Variants in EXOC5 observed in about 807,000 individuals in gnomAD.
EXOC5 encodes exocyst complex component 5.
In EXOC5, 17 loss-of-function variants were observed where a neutral mutation model predicts 90.8. That is an observed-to-expected ratio of 0.19 (90% CI 0.13 to 0.28). EXOC5 has a LOEUF of 0.28. Ranked by LOEUF, EXOC5 falls within the 10% of genes least tolerant of loss-of-function variation. EXOC5 has a pLI of 1.00. For synonymous variants in EXOC5, 260 were observed against 270.0 expected (o/e 0.96, Z 0.36); for missense variants, 569 against 830.6 (o/e 0.69, Z 3.87).
intron 12 of EXOC5, among the ~76,000 whole-genome samples, chr14:57,227,666 T>C (rs952050724): frequency 2.6e-5 from 4 of 152,194 alleles, no homozygotes; most frequent in African/African-American, 9.6e-5. Flanking sequence ...ATAAGTTGCA[T>C]TTCCCTATTA....
chr14:57,238,625 T>C (rs12889013), intron 5 of EXOC5, among the ~76,000 whole-genome samples: 6 of 151,788 alleles, frequency 4.0e-5, no homozygotes, highest in African/African-American at 4.8e-5. Context: ...GTAAGTTAAA[T>C]CATAATGCTG....
intron 1 of EXOC5, among the ~76,000 whole-genome samples, chr14:57,249,764 T>C (rs1458643617): frequency 2.6e-5 from 4 of 152,020 alleles, no homozygotes; most frequent in African/African-American, 9.7e-5. Context: ...ATGATGATGA[T>C]GATGATTTAC....
At chr14:57,253,790 G>C (rs1375625575) in intron 1 of EXOC5, among the ~76,000 whole-genome samples, 1 of 152,138 alleles carries the variant, frequency 6.6e-6, no homozygotes, top group Non-Finnish European at 1.5e-5. Context: ...ATAATGCTGG[G>C]AAAACTGGGT....
chr14:57,219,089 T>G (rs879650237), intron 14 of EXOC5, among the ~76,000 whole-genome samples: 19 of 152,052 alleles, frequency 1.2e-4, no homozygotes, highest in African/African-American at 2.7e-4. Flanking sequence ...TTAAATCTTT[T>G]GAAATACACC....
chr14:57,242,564 T>C (rs1234963853), intron 4 of EXOC5, among the ~76,000 whole-genome samples: 5 of 151,926 alleles, frequency 3.3e-5, no homozygotes, highest in African/African-American at 4.8e-5. Flanking sequence ...AAAAGAACAA[T>C]TAAAAAAACA....
At chr14:57,258,865 C>CA (rs1242025401) in intron 1 of EXOC5, among the ~76,000 whole-genome samples, 1 of 152,082 alleles carries the variant, frequency 6.6e-6, no homozygotes, top group Non-Finnish European at 1.5e-5. Flanking sequence ...CCCAAAAACT[C>CA]AAAGAAGCTA....
At chr14:57,226,376 T>A (rs1466865614) in intron 12 of EXOC5, among the ~76,000 whole-genome samples, 1 of 152,146 alleles carries the variant, frequency 6.6e-6, no homozygotes, top group East Asian at 1.9e-4. Flanking sequence ...CTAAGTAAGT[T>A]AAACTAGAAA....
chr14:57,253,404 G>T (rs1042039333), intron 1 of EXOC5, among the ~76,000 whole-genome samples: 2 of 152,104 alleles, frequency 1.3e-5, no homozygotes, highest in African/African-American at 4.8e-5. Context: ...CAAATAAATG[G>T]AAACACATCC....
rs1205771487 is a variant in EXOC5 at position 57,201,479 on chromosome 14, CGT to C, written c.*7128_*7129del. ...ACACACGCGTGTATATGTACACACA[CGT>C]GTATAAACACACGTGTATATACACA... On this transcript the variant is annotated 3_prime_UTR_variant, in exon 18 of 18. Transcript: ENST00000621441. The C allele has an allele frequency of 7.8e-6, 1 of 128,252 alleles. No individual in the cohort carries two copies. Among genetic ancestry groups the C allele is most frequent in the Non-Finnish European group, 1.5e-5 (1 of 65,838 alleles). The allele number at this position is 128,252 out of a possible 1,614,324, so 7.9% of individuals were successfully genotyped here.
chr14:57,239,177 ATCAG>A (rs1306056066), intron 5 of EXOC5, among the ~76,000 whole-genome samples: 85 of 152,324 alleles, frequency 5.6e-4, no homozygotes, highest in African/African-American at 1.9e-3. Flanking sequence ...GATAGCGTTC[ATCAG>A]CTTTTCAAAG....
intron 11 of EXOC5, 23 bp from the exon 12 acceptor site, chr14:57,229,904 G>T: frequency 7.6e-7 from 1 of 1,313,372 alleles, no homozygotes; most frequent in South Asian, 2.2e-5. Context: ...AAAGACAAAT[G>T]AAAAAAAGAA....
intron 10 of EXOC5, 114 bp downstream of exon 10, chr14:57,232,553 C>A: frequency 1.8e-6 from 1 of 542,186 alleles, no homozygotes. Flanking sequence ...GCATTTAATG[C>A]TAAAAGGTAA....
At position 57,246,551 on chromosome 14, in the gene EXOC5, A is replaced by G. The variant is rs192662553; in HGVS notation, c.270+160T>C. 2.7e-3 allele frequency among the ~76,000 whole-genome samples: 405 copies of G among 152,348 alleles called. 2 individuals are homozygous for G. The highest frequency in any genetic ancestry group is 9.2e-3 in the African/African-American group (383 of 41,586). On this transcript the variant is annotated intron_variant, in intron 3 of 17. Transcript: ENST00000621441. ...GGAAAGCCAATGCCAAGAGTACTTG[A>G]TAACAATTCATTAACATTTTACCCC...
intron 15 of EXOC5, among the ~76,000 whole-genome samples, chr14:57,211,148 A>G (rs1882814204): frequency 6.6e-6 from 1 of 152,210 alleles, no homozygotes; most frequent in African/African-American, 2.4e-5. Context: ...CTGTACCTTT[A>G]ATAAGTCCAT....
intron 12 of EXOC5, among the ~76,000 whole-genome samples, chr14:57,223,624 C>G (rs1017116640): frequency 4.6e-5 from 7 of 152,062 alleles, no homozygotes; most frequent in Admixed American, 1.3e-4. Flanking sequence ...TACATTCCTC[C>G]TATTTACATC....
rs1347979387 is a variant in EXOC5, at chr14:57,204,336, ATGAT to A, written c.*4269_*4272del. ...TTCCTCCCTAAATTTGTAAAGAGAA[ATGAT>A]TGATCACTGGTAGAAATAAAAGGTA... On this transcript the variant is annotated 3_prime_UTR_variant, in exon 18 of 18. Transcript: ENST00000621441. 3 of 152,148 alleles carry A rather than the reference ATGAT, an allele frequency of 2.0e-5. No homozygotes were observed. Among genetic ancestry groups the A allele is most frequent in the African/African-American group, 7.2e-5 (3 of 41,458 alleles). The allele number at this position is 152,148 out of a possible 1,614,324, so 9.4% of individuals were successfully genotyped here. A position where few individuals can be genotyped will look rare whatever the true frequency, so the allele number is the denominator to read the frequency against.
At chr14:57,249,742 A>G (rs573017848) in intron 1 of EXOC5, among the ~76,000 whole-genome samples, 1 of 152,148 alleles carries the variant, frequency 6.6e-6, no homozygotes, top group Admixed American at 6.6e-5. Context: ...AATGATGGAT[A>G]AGAGTGGGAT....
chr14:57,225,470 C>T (rs1337120318), intron 12 of EXOC5, among the ~76,000 whole-genome samples: 1 of 151,934 alleles, frequency 6.6e-6, no homozygotes, highest in Non-Finnish European at 1.5e-5. Context: ...TACTAGAAGT[C>T]TGGCCAGTAC....
In EXOC5 at chr14:57,219,200, T is replaced by A. The variant is rs1171560562; in HGVS notation, c.1526+122A>T. On this transcript the variant is annotated intron_variant, in intron 14 of 17. Coordinates refer to ENST00000621441, the MANE Select transcript of EXOC5 (RefSeq NM_006544.4). ...CTTTTATATTTTTATTTCATTTCAC[T>A]TGTCCAGTTTGACATTTTTTGTGAA... 6 of 472,798 alleles carry A rather than the reference T, an allele frequency of 1.3e-5. No homozygotes were observed. In the East Asian group the frequency reaches 2.2e-4, roughly 17 times the overall value. 29.3% of individuals were successfully genotyped at this position (472,798 alleles called of 1,614,324 possible). A position where few individuals can be genotyped will look rare whatever the true frequency, so the allele number is the denominator to read the frequency against.
Sources: gnomAD v4.1 joint callset for allele counts (sites outside exome capture counted in the v4.1 genomes callset) on GRCh38, gnomAD v4.1.1 for gene constraint, MANE v1.5 for transcripts, NCBI Gene and HGNC (gene_info 2026-07-23, HGNC 2026-07-21) for gene names.